The following TRPC4 variants were observed in gnomAD, a reference collection of about 807,000 sequenced individuals.
TRPC4 encodes the protein transient receptor potential cation channel subfamily C member 4, also known as short transient receptor potential channel 4.
TRPC4 carries 49 observed loss-of-function variants against 99.4 expected under a neutral mutation model. The ratio of observed to expected loss-of-function variants is 0.49; its 90% CI spans 0.39 to 0.63. The LOEUF is 0.63. TRPC4 is among the 20% of genes least tolerant of loss of function. TRPC4 has a pLI of 0.00. For synonymous variants in TRPC4, 454 were observed against 425.9 expected (o/e 1.07, Z -0.81); for missense variants, 898 against 1,152.9 (o/e 0.78, Z 3.20).
At chr13:37,857,254 A>G (rs1959181829) in intron 1 of TRPC4, among the ~76,000 whole-genome samples, 1 of 151,614 alleles carries the variant, frequency 6.6e-6, no homozygotes, top group Admixed American at 6.6e-5. Flanking sequence ...TAAAACACTG[A>G]TGAAAAAAAT....
intron 7 of TRPC4, among the ~76,000 whole-genome samples, chr13:37,653,133 C>T (rs916795704): frequency 6.6e-6 from 1 of 152,128 alleles, no homozygotes; most frequent in Non-Finnish European, 1.5e-5. Context: ...TTTCTTTTCT[C>T]AATATTGAAA....
intron 3 of TRPC4, among the ~76,000 whole-genome samples, chr13:37,738,014 A>G (rs761680106): frequency 6.6e-6 from 1 of 152,126 alleles, no homozygotes; most frequent in African/African-American, 2.4e-5. Flanking sequence ...CTATGTGCTG[A>G]TCAACAGCCA....
intron 2 of TRPC4, among the ~76,000 whole-genome samples, chr13:37,754,639 A>G (rs1445165929): frequency 6.6e-6 from 1 of 152,148 alleles, no homozygotes; most frequent in African/African-American, 2.4e-5. Flanking sequence ...AGGCAATTAA[A>G]AGAAGACCCT....
At chr13:37,678,528 A>G (rs1003019168) in intron 4 of TRPC4, among the ~76,000 whole-genome samples, 1 of 151,996 alleles carries the variant, frequency 6.6e-6, no homozygotes. Flanking sequence ...TTTTTCCCTG[A>G]GACATAAACT....
intron 5 of TRPC4, among the ~76,000 whole-genome samples, chr13:37,672,147 T>C (rs1593479290): frequency 6.6e-6 from 1 of 152,294 alleles, no homozygotes; most frequent in African/African-American, 2.4e-5. Flanking sequence ...CATCTAAAAG[T>C]CTTGAGGCAA....
intron 7 of TRPC4, among the ~76,000 whole-genome samples, chr13:37,653,645 T>C (rs1952122223): frequency 6.6e-6 from 1 of 152,128 alleles, no homozygotes; most frequent in Non-Finnish European, 1.5e-5. Context: ...AATAGAGAGT[T>C]GAAGATGATT....
rs1954771816 is a variant in TRPC4 at position 37,718,970 on chromosome 13, A to C, written c.898-26635T>G. On this transcript the variant is annotated intron_variant, in intron 3 of 10. Coordinates refer to ENST00000379705, the MANE Select transcript of TRPC4 (RefSeq NM_016179.4). ...ATAACAATGAAGAAAACTATGCCAC[A>C]ACACATTATAGTCAAACTTCTAAAA... Among the ~76,000 whole-genome samples, 2 of 152,266 alleles carry C rather than the reference A, an allele frequency of 1.3e-5. 1 individual carries two copies. Among genetic ancestry groups the C allele is most frequent in the Non-Finnish European group, 2.9e-5 (2 of 68,024 alleles).
chr13:37,638,274 C>T lies in TRPC4; in HGVS notation c.2212-649G>A, dbSNP rs140860380. 8.6e-3 allele frequency among the ~76,000 whole-genome samples: 1,308 copies of T among 152,162 alleles called. 23 individuals are homozygous for T. The highest frequency in any genetic ancestry group is 0.03 in the African/African-American group (1,263 of 41,536). On this transcript the variant is annotated intron_variant, in intron 10 of 10. Transcript: ENST00000379705. Reference sequence around the variant, plus strand: ...ACCTATCTCCTAAAGCAACATGAATCATTTAATATTACAATTTGAACTTTA... The same window carrying T: ...ACCTATCTCCTAAAGCAACATGAATTATTTAATATTACAATTTGAACTTTA...
rs1951418739 is a variant in TRPC4, at chr13:37,632,549, G to A, written c.*4354C>T. On this transcript the variant is annotated 3_prime_UTR_variant, in exon 11 of 11. Transcript: ENST00000379705. ...AGAGGAAATTAACGGTTTTGCTACTGGTGAATTTGACTTGCAGAGACGTCT... is the reference window on the plus strand; with the variant it reads ...AGAGGAAATTAACGGTTTTGCTACTAGTGAATTTGACTTGCAGAGACGTCT... Among the ~76,000 whole-genome samples, 1 of 152,152 alleles carries A rather than the reference G, an allele frequency of 6.6e-6. No homozygotes were observed. The highest frequency in any genetic ancestry group is 1.5e-5 in the Non-Finnish European group (1 of 68,038).
chr13:37,662,167 G>A lies in TRPC4; in HGVS notation c.1688+1249C>T, dbSNP rs937918727. ...TCTACTAAAAATACAAAAATTAGCC[G>A]GGCGTGGTGGTGGGTGCCTGTAGCC... On this transcript the variant is annotated intron_variant, in intron 6 of 10. Coordinates refer to ENST00000379705, the MANE Select transcript of TRPC4 (RefSeq NM_016179.4). Among the ~76,000 whole-genome samples, 97 of 152,030 alleles carry A rather than the reference G, an allele frequency of 6.4e-4. 2 individuals carry two copies. Among genetic ancestry groups the A allele is most frequent in the Admixed American group, 5.6e-3 (85 of 15,260 alleles).
intron 5 of TRPC4, 37 bp downstream of exon 5, chr13:37,674,191 G>T (rs1410723020): frequency 5.2e-6 from 8 of 1,530,120 alleles, no homozygotes; most frequent in Non-Finnish European, 4.4e-6. Context: ...TTAATAATCA[G>T]AACATATGCT....
intron 1 of TRPC4, among the ~76,000 whole-genome samples, chr13:37,841,172 G>A (rs1315328165): frequency 6.6e-6 from 1 of 152,022 alleles, no homozygotes; most frequent in African/African-American, 2.4e-5. Context: ...ATTTAATCAA[G>A]ATTATACAAG....
Position 37,635,770 on chromosome 13 carries a change from C to T in TRPC4, c.*1133G>A, listed in dbSNP as rs1173686652. Among the ~76,000 whole-genome samples the T allele has an allele frequency of 1.3e-5, 2 of 151,930 alleles. No individual in the cohort carries two copies. Among genetic ancestry groups the T allele is most frequent in the African/African-American group, 4.8e-5 (2 of 41,392 alleles). The stretch of plus-strand genomic sequence containing the variant: ...AGTGAATTGTTATAAGCTAAATTAC[C>T]TTGCAAACAATAGAAAGAAAAACAA... On this transcript the variant is annotated 3_prime_UTR_variant, in exon 11 of 11. Coordinates refer to ENST00000379705, the MANE Select transcript of TRPC4 (RefSeq NM_016179.4).
At chr13:37,664,316 G>A (rs1036153099) in intron 5 of TRPC4, among the ~76,000 whole-genome samples, 29 of 152,290 alleles carry the variant, frequency 1.9e-4, no homozygotes, top group African/African-American at 6.0e-4. Context: ...GCTGATGCCT[G>A]TAATCCCAGC....
At chr13:37,679,027 A>T (rs564034938) in intron 4 of TRPC4, among the ~76,000 whole-genome samples, 1 of 152,268 alleles carries the variant, frequency 6.6e-6, no homozygotes, top group South Asian at 2.1e-4. Flanking sequence ...TTTAACATGC[A>T]TTCATGATAA....
At chr13:37,712,986 A>C (rs1424922439) in intron 3 of TRPC4, among the ~76,000 whole-genome samples, 1 of 152,184 alleles carries the variant, frequency 6.6e-6, no homozygotes, top group Admixed American at 6.6e-5. Context: ...AGCACCCTCT[A>C]TGTCAGGCTA....
intron 3 of TRPC4, among the ~76,000 whole-genome samples, chr13:37,726,520 A>G (rs1955063696): frequency 6.6e-6 from 1 of 152,216 alleles, no homozygotes; most frequent in Admixed American, 6.5e-5. Flanking sequence ...GAAGGTAATT[A>G]CAAAAAACAG....
intron 1 of TRPC4, among the ~76,000 whole-genome samples, chr13:37,866,703 G>T: frequency 6.6e-6 from 1 of 151,488 alleles, no homozygotes; most frequent in African/African-American, 2.4e-5. Context: ...AAAATATTGC[G>T]GGGTCAATGC....
intron 1 of TRPC4, among the ~76,000 whole-genome samples, chr13:37,802,406 G>A (rs1371093151): frequency 6.6e-6 from 1 of 152,048 alleles, no homozygotes; most frequent in Non-Finnish European, 1.5e-5. Context: ...TGTCGGAGTT[G>A]TTCCTCGTCT....
Sources: allele counts gnomAD v4.1 joint callset (sites outside exome capture counted in the v4.1 genomes callset), GRCh38; gene constraint gnomAD v4.1.1; transcripts MANE v1.5; gene names NCBI Gene and HGNC (gene_info 2026-07-23, HGNC 2026-07-21).